RAD51B: variants seen among roughly 807,000 people sequenced by gnomAD.
RAD51B encodes DNA repair protein RAD51 homolog 2.
In RAD51B, 38 loss-of-function variants were observed where a neutral mutation model predicts 42.2. The observed-to-expected ratio is 0.90, with a 90% CI of 0.70 to 1.18. The LOEUF (loss-of-function observed/expected upper bound fraction) is 1.18, where lower values mean the gene tolerates loss of function less well. Ranked by LOEUF, RAD51B falls within the 50% of genes most tolerant of loss-of-function variation. The probability of loss-of-function intolerance (pLI) is 0.00; values close to 1 mark genes in which losing one functional copy is unlikely to be tolerated. For synonymous variants in RAD51B, 154 were observed against 145.2 expected (o/e 1.06, Z -0.43); for missense variants, 373 against 400.7 (o/e 0.93, Z 0.59).
intron 4 of RAD51B, among the ~76,000 whole-genome samples, chr14:67,840,277 T>A (rs2041382498): frequency 6.6e-6 from 1 of 152,202 alleles, no homozygotes; most frequent in South Asian, 2.1e-4. Flanking sequence ...CCTTTTTCCC[T>A]GCTCCCTTCT....
At chr14:68,334,047 G>A (rs1358417575) in intron 8 of RAD51B, among the ~76,000 whole-genome samples, 3 of 151,816 alleles carry the variant, frequency 2.0e-5, no homozygotes, top group South Asian at 2.1e-4. Flanking sequence ...TTCTGTGCCC[G>A]GCTTATTTCA....
intron 7 of RAD51B, among the ~76,000 whole-genome samples, chr14:68,212,561 G>T (rs774203996): frequency 6.6e-6 from 1 of 152,202 alleles, no homozygotes; most frequent in Non-Finnish European, 1.5e-5. Flanking sequence ...TGGAACCACA[G>T]CACTGGGTAG....
intron 11 of RAD51B, among the ~76,000 whole-genome samples, chr14:68,664,744 C>G (rs541472143): frequency 6.6e-6 from 1 of 152,320 alleles, no homozygotes; most frequent in South Asian, 2.1e-4. Context: ...TACTCCTGAG[C>G]CTTTACCACT....
Position 68,515,535 on chromosome 14 carries a change from A to G in RAD51B, c.1036+47285A>G, listed in dbSNP as rs754448298. On this transcript the variant is annotated intron_variant, in intron 10 of 10. Coordinates refer to the RAD51B transcript ENST00000487270. ...GCAATCACAATTCACTGTAGCCTCA[A>G]CCTCCTGGGATTAAGTGATCTTTCA... Among the ~76,000 whole-genome samples the G allele has an allele frequency of 2.1e-5, 3 of 146,206 alleles. No individual in the cohort carries two copies. The East Asian group carries it at 6.0e-4, about 29-fold the overall frequency.
intron 10 of RAD51B, among the ~76,000 whole-genome samples, chr14:68,632,665 C>T (rs929783022): frequency 6.6e-6 from 1 of 152,240 alleles, no homozygotes; most frequent in Non-Finnish European, 1.5e-5. Flanking sequence ...CATGCCCCTG[C>T]TGCCCTTGGC....
chr14:68,040,215 A>G (rs1434753689), intron 7 of RAD51B, among the ~76,000 whole-genome samples: 1 of 152,152 alleles, frequency 6.6e-6, no homozygotes, highest in Non-Finnish European at 1.5e-5. Flanking sequence ...AAACTCTACC[A>G]CACACCTGCT....
chr14:67,953,542 A>G (rs2074492358), intron 7 of RAD51B, among the ~76,000 whole-genome samples: 1 of 152,172 alleles, frequency 6.6e-6, no homozygotes, highest in South Asian at 2.1e-4. Flanking sequence ...TGTGCTTTAG[A>G]ATGATTAATG....
chr14:67,936,604 T>C (rs1214750325), intron 7 of RAD51B, among the ~76,000 whole-genome samples: 1 of 152,210 alleles, frequency 6.6e-6, no homozygotes, highest in Non-Finnish European at 1.5e-5. Context: ...TTCTCTTGGT[T>C]ATATCCCCAG....
At chr14:67,934,687 A>G (rs746009216) in intron 7 of RAD51B, among the ~76,000 whole-genome samples, 6 of 152,182 alleles carry the variant, frequency 3.9e-5, no homozygotes, top group Non-Finnish European at 5.9e-5. Flanking sequence ...TCATTCCCCT[A>G]TCAGAGAAAA....
intron 7 of RAD51B, among the ~76,000 whole-genome samples, chr14:68,070,025 C>T (rs766350703): frequency 6.6e-6 from 1 of 151,960 alleles, no homozygotes; most frequent in Non-Finnish European, 1.5e-5. Context: ...TTTGCATTTC[C>T]CTAATGGTTA....
downstream of RAD51B, among the ~76,000 whole-genome samples, chr14:68,613,402 T>C (rs751121648): frequency 6.8e-6 from 1 of 147,422 alleles, no homozygotes; most frequent in Non-Finnish European, 1.5e-5. Context: ...TGGGCAACAA[T>C]AGCAAAACTC....
At chr14:68,142,703 G>A (rs546534629) in intron 7 of RAD51B, among the ~76,000 whole-genome samples, 2 of 152,098 alleles carry the variant, frequency 1.3e-5, no homozygotes, top group African/African-American at 4.8e-5. Flanking sequence ...GTAAAAGTAG[G>A]AATCTAAGTT....
chr14:68,041,546 G>A (rs965665409), intron 7 of RAD51B, among the ~76,000 whole-genome samples: 11 of 151,788 alleles, frequency 7.2e-5, no homozygotes, highest in East Asian at 5.8e-4. Flanking sequence ...TAGCCTGAGG[G>A]TCAACATTTA....
chr14:68,175,584 C>T (rs569404611), intron 7 of RAD51B, among the ~76,000 whole-genome samples: 30 of 152,258 alleles, frequency 2.0e-4, no homozygotes, highest in Middle Eastern at 3.4e-3. Context: ...AGTGCTGGGG[C>T]ATGATACTAA....
chr14:68,532,049 A>G (rs1887343461), intron 10 of RAD51B, among the ~76,000 whole-genome samples: 1 of 152,248 alleles, frequency 6.6e-6, no homozygotes, highest in Non-Finnish European at 1.5e-5. Context: ...AATATGTTGA[A>G]CATTTACATA....
chr14:68,203,898 T>A (rs1253989807), intron 7 of RAD51B, among the ~76,000 whole-genome samples: 1 of 152,228 alleles, frequency 6.6e-6, no homozygotes, highest in African/African-American at 2.4e-5. Context: ...CTTTCAGCCT[T>A]TGTAGAATTG....
At chr14:68,193,143 A>G (rs1051869307) in intron 7 of RAD51B, among the ~76,000 whole-genome samples, 1 of 152,176 alleles carries the variant, frequency 6.6e-6, no homozygotes, top group African/African-American at 2.4e-5. Context: ...TGAATACAGC[A>G]TGCACTTAGC....
At chr14:68,366,062 T>TGTCGC (rs1265015190) in intron 8 of RAD51B, among the ~76,000 whole-genome samples, 1 of 152,216 alleles carries the variant, frequency 6.6e-6, no homozygotes, top group Non-Finnish European at 1.5e-5. Flanking sequence ...TGATAACTAG[T>TGTCGC]TATTCTTGAC....
At chr14:68,543,717 C>T (rs970964037) in intron 10 of RAD51B, among the ~76,000 whole-genome samples, 8 of 152,170 alleles carry the variant, frequency 5.3e-5, no homozygotes, top group African/African-American at 7.2e-5. Context: ...TCCTTTTCAA[C>T]CATACAGCCA....
Sources: gnomAD v4.1 joint callset for allele counts (sites outside exome capture counted in the v4.1 genomes callset) on GRCh38, gnomAD v4.1.1 for gene constraint, MANE v1.5 for transcripts, NCBI Gene and HGNC (gene_info 2026-07-23, HGNC 2026-07-21) for gene names.